DBNL: variants seen among roughly 807,000 people sequenced by gnomAD.
The protein encoded by DBNL is drebrin-like protein.
DBNL carries 35 observed loss-of-function variants against 62.2 expected under a neutral mutation model. The ratio of observed to expected loss-of-function variants is 0.56; its 90% CI spans 0.43 to 0.75. The LOEUF is 0.75. Among genes scored for constraint, DBNL ranks in the 30% least tolerant of loss-of-function variants. DBNL has a pLI of 0.00. For synonymous variants in DBNL, 197 were observed against 218.0 expected (o/e 0.90, Z 0.85); for missense variants, 495 against 578.4 (o/e 0.86, Z 1.48).
Position 44,060,372 on chromosome 7 carries a change from C to G in DBNL, c.1153+219C>G, listed in dbSNP as rs2096146388. ...GGCCTCCCTACATGTTCCTCATTAG[C>G]TATTTGCTGGCCGCTGATGTGAATC... is the stretch of plus-strand genomic sequence containing the variant. On this transcript the variant is annotated intron_variant, in intron 12 of 12. Transcript: ENST00000448521. This position sits in a 1 kb window ranked among gnomAD's most constrained non-coding sequence, Gnocchi z 6.3. Among the ~76,000 whole-genome samples, 1 of 152,122 alleles carries G rather than the reference C, an allele frequency of 6.6e-6. No individual in the cohort carries two copies. The highest frequency in any genetic ancestry group is 1.5e-5 in the Non-Finnish European group (1 of 67,998).
Position 44,059,316 on chromosome 7 carries a change from G to A in DBNL, c.836-38G>A, listed in dbSNP as rs2096143472. On this transcript the variant is annotated intron_variant, in intron 9 of 12. Transcript: ENST00000448521. This position sits in a 1 kb window ranked among gnomAD's most constrained non-coding sequence, Gnocchi z 4.1. The stretch of plus-strand genomic sequence containing the variant: ...GTGGGGTGCGTGGGTGTGTGGTGGT[G>A]TTTCTGAAGTGATGTATATATTTAC... 6.2e-7 allele frequency: 1 copy of A among 1,605,936 alleles called. No homozygotes were observed. The highest frequency in any genetic ancestry group is 2.2e-5 in the East Asian group (1 of 44,794).
intron 3 of DBNL, 40 bp from the exon 4 acceptor site, chr7:44,052,827 G>A (rs1027150950): frequency 1.2e-6 from 2 of 1,611,376 alleles, no homozygotes. Context: ...AAGTGGCTTT[G>A]GGGGAGGCCT....
intron 6 of DBNL, 78 bp from the exon 7 acceptor site, chr7:44,058,051 G>C (rs778858330): frequency 2.0e-6 from 3 of 1,531,544 alleles, no homozygotes; most frequent in Non-Finnish European, 2.6e-6. Context: ...TTGGCCATGT[G>C]CCTAAAACTC....
At chr7:44,057,102 C>T (rs771363878) in intron 5 of DBNL, among the ~76,000 whole-genome samples, 199 bp downstream of exon 5, 1 of 152,256 alleles carries the variant, frequency 6.6e-6, no homozygotes, top group Non-Finnish European at 1.5e-5. Context: ...AGGGGTTGGA[C>T]TAGCTGTTCT....
intron 4 of DBNL, among the ~76,000 whole-genome samples, chr7:44,056,435 A>T (rs1185066087): frequency 6.6e-6 from 1 of 152,180 alleles, no homozygotes; most frequent in African/African-American, 2.4e-5. Context: ...ATTAGAAGGA[A>T]GGCCTTTGAT....
In DBNL at chr7:44,064,803, C is replaced by T; in HGVS notation, c.*3887C>T. ...CCAGCTGGGGCTGCTGCCCACCCACCCTGCCCAGGCTCCTGAAGGTGGCCT... is the reference window on the plus strand; with the variant it reads ...CCAGCTGGGGCTGCTGCCCACCCACTCTGCCCAGGCTCCTGAAGGTGGCCT... On this transcript the variant is annotated 3_prime_UTR_variant, in exon 13 of 13. Coordinates refer to ENST00000448521, the MANE Select transcript of DBNL (RefSeq NM_001014436.3). 2 of 1,431,518 alleles carry T rather than the reference C, an allele frequency of 1.4e-6. No individual in the cohort carries two copies. The highest frequency in any genetic ancestry group is 1.9e-6 in the Non-Finnish European group (2 of 1,036,658). 88.7% of individuals were successfully genotyped at this position (1,431,518 alleles called of 1,614,324 possible).
At chr7:44,051,800 C>G (rs747600207) in intron 2 of DBNL, 30 bp from the exon 3 acceptor site, 6 of 1,605,636 alleles carry the variant, frequency 3.7e-6, no homozygotes, top group Non-Finnish European at 5.1e-6. Context: ...GTCAGGGCCA[C>G]CCCTGACCTT....
Position 44,060,724 on chromosome 7 carries a change from G to A in DBNL, c.1154-53G>A, listed in dbSNP as rs1195762460. 4.4e-6 allele frequency: 7 copies of A among 1,595,850 alleles called. No homozygotes were observed. Among genetic ancestry groups the A allele is most frequent in the Non-Finnish European group, 6.0e-6 (7 of 1,168,470 alleles). ...GGGCTGCCGTGGGCTGCCCGAGCAG[G>A]TGGGATGTGGGAGGGAGCCCCTGAT... On this transcript the variant is annotated intron_variant, in intron 12 of 12. Transcript: ENST00000448521. This position sits in a 1 kb window ranked among gnomAD's most constrained non-coding sequence, Gnocchi z 6.3.
rs1187365532 is a variant in DBNL at position 44,065,344 on chromosome 7, C to T, written c.*4428C>T. On this transcript the variant is annotated 3_prime_UTR_variant, in exon 13 of 13. Transcript: ENST00000448521. Reference sequence around the variant, plus strand: ...GGATGGCCCAGAGGGTGCGGATGGCCCGCTTCAGCACTGACGTGTAGCAGA... The same window carrying T: ...GGATGGCCCAGAGGGTGCGGATGGCTCGCTTCAGCACTGACGTGTAGCAGA... 6.2e-7 allele frequency: 1 copy of T among 1,613,826 alleles called. No individual in the cohort carries two copies. The highest frequency in any genetic ancestry group is 1.1e-5 in the South Asian group (1 of 91,086).
At chr7:44,045,011 C>G in intron 1 of DBNL, 191 bp downstream of exon 1, 1 of 512,582 alleles carries the variant, frequency 2.0e-6, no homozygotes, top group Non-Finnish European at 3.2e-6. Flanking sequence ...ACCCCTTGCC[C>G]CGCCGATCGT....
At chr7:44,046,085 C>T (rs1265613178) in intron 1 of DBNL, among the ~76,000 whole-genome samples, 3 of 152,322 alleles carry the variant, frequency 2.0e-5, no homozygotes, top group East Asian at 1.9e-4. Flanking sequence ...TTTTGCCTCT[C>T]TCCTATTCCT....
intron 1 of DBNL, among the ~76,000 whole-genome samples, chr7:44,048,010 A>G (rs1208440318): frequency 1.4e-5 from 2 of 141,680 alleles, no homozygotes; most frequent in Non-Finnish European, 3.0e-5. Flanking sequence ...TCTGCCTCCC[A>G]GGTTCAAGTG....
At chr7:44,052,821 G>T in intron 3 of DBNL, 46 bp from the exon 4 acceptor site, 1 of 1,610,494 alleles carries the variant, frequency 6.2e-7, no homozygotes, top group South Asian at 1.1e-5. Context: ...GAAGGGAAGT[G>T]GCTTTGGGGG....
In DBNL at chr7:44,064,548, T is replaced by C. The variant is rs999290804; in HGVS notation, c.*3632T>C. The C allele has an allele frequency of 4.1e-6, 2 of 490,442 alleles. No individual in the cohort carries two copies. The highest frequency in any genetic ancestry group is 7.5e-6 in the Non-Finnish European group (2 of 267,978). The allele number at this position is 490,442 out of a possible 1,614,324, so 30.4% of individuals were successfully genotyped here. ...CTCTAAGCCCAGCCCTTCCGTTTCC[T>C]AGCTGGGTGTCCCTTGGCAGATGCC... On this transcript the variant is annotated 3_prime_UTR_variant, in exon 13 of 13. Coordinates refer to ENST00000448521, the MANE Select transcript of DBNL (RefSeq NM_001014436.3).
Position 44,062,459 on chromosome 7 carries a change from A to T in DBNL, c.*1543A>T. 1 of 419,284 alleles carries T rather than the reference A, an allele frequency of 2.4e-6. No individual in the cohort carries two copies. Among genetic ancestry groups the T allele is most frequent in the South Asian group, 2.2e-5 (1 of 46,238 alleles). The allele number at this position is 419,284 out of a possible 1,614,324, so 26.0% of individuals were successfully genotyped here. A position where few individuals can be genotyped will look rare whatever the true frequency, so the allele number is the denominator to read the frequency against. ...GAGCTGGGTCACTTGGCCTCTTCTA[A>T]CTGGCCCCAAGCACGCCAATTCTGG... On this transcript the variant is annotated 3_prime_UTR_variant, in exon 13 of 13. Transcript: ENST00000448521.
rs1037589835 is a variant in DBNL, at chr7:44,058,617, C to A, written c.753+137C>A. 5 of 1,224,556 alleles carry A rather than the reference C, an allele frequency of 4.1e-6. No individual in the cohort carries two copies. In the African/African-American group the frequency reaches 7.6e-5, roughly 19 times the overall value. 75.9% of individuals were successfully genotyped at this position (1,224,556 alleles called of 1,614,324 possible). ...CTGGGGCAGGTTGGAATCTGGGCAC[C>A]TCAAGAGGTGGCAGTAGAGAGGAAA... On this transcript the variant is annotated intron_variant, in intron 8 of 12. Transcript: ENST00000448521.
At position 44,049,358 on chromosome 7, in the gene DBNL, G is replaced by A. The variant is rs562714090; in HGVS notation, c.84-867G>A. Among the ~76,000 whole-genome samples the A allele has an allele frequency of 3.9e-5, 6 of 152,230 alleles. No individual in the cohort carries two copies. The South Asian group carries it at 6.2e-4, about 16-fold the overall frequency. On this transcript the variant is annotated intron_variant, in intron 1 of 12. Coordinates refer to ENST00000448521, the MANE Select transcript of DBNL (RefSeq NM_001014436.3). The stretch of plus-strand genomic sequence containing the variant: ...TTTTTAGTAGAGATGGGATTTCACC[G>A]TGTTAGCCAGAATGGTCTCGATCTC...
In DBNL at chr7:44,058,482, T is replaced by C; in HGVS notation, c.753+2T>C. The C allele has an allele frequency of 6.2e-7, 1 of 1,614,002 alleles. No homozygotes were observed. The highest frequency in any genetic ancestry group is 8.5e-7 in the Non-Finnish European group (1 of 1,180,002). On this transcript the variant is annotated splice_donor_variant, in intron 8 of 12. Coordinates refer to ENST00000448521, the MANE Select transcript of DBNL (RefSeq NM_001014436.3). LOFTEE classifies it high-confidence loss of function. ...GTTTCAAGGAACCGAAATGAGCAGG[T>C]AAGATGGGGGTGCTCTACTTGTTTG...
rs181204263 is a variant in DBNL, at chr7:44,058,661, G to A, written c.753+181G>A. 488 of 929,626 alleles carry A rather than the reference G, an allele frequency of 5.2e-4. 2 individuals are homozygous for A. In the African/African-American group the frequency reaches 6.2e-3, roughly 12 times the overall value. The allele number at this position is 929,626 out of a possible 1,614,324, so 57.6% of individuals were successfully genotyped here. ...GAGGAAAGCCAAAGGCGGAAGCGTC[G>A]GGCTTGGACCACACCTGGTCCTGGG... On this transcript the variant is annotated intron_variant, in intron 8 of 12. Transcript: ENST00000448521.
Sources: allele counts gnomAD v4.1 joint callset (sites outside exome capture counted in the v4.1 genomes callset), GRCh38; gene constraint gnomAD v4.1.1; non-coding constraint Gnocchi (gnomAD v3.1); transcripts MANE v1.5; gene names NCBI Gene and HGNC (gene_info 2026-07-23, HGNC 2026-07-21).